The following TXLNB variants were observed in gnomAD, a reference collection of about 807,000 sequenced individuals.
TXLNB encodes the protein taxilin beta.
TXLNB carries 37 observed loss-of-function variants against 57.4 expected under a neutral mutation model. That is an observed-to-expected ratio of 0.64 (90% CI 0.50 to 0.85). The LOEUF (loss-of-function observed/expected upper bound fraction) is 0.85. Ranked by LOEUF, TXLNB falls within the 40% of genes least tolerant of loss-of-function variation. The pLI, the probability that TXLNB is intolerant of heterozygous loss-of-function variation, is 0.00. For synonymous variants in TXLNB, 302 were observed against 309.6 expected (o/e 0.98, Z 0.26); for missense variants, 848 against 825.6 (o/e 1.03, Z -0.33).
chr6:139,193,433 G>A, the TXLNB span, among the ~76,000 whole-genome samples: 1 of 151,824 alleles, frequency 6.6e-6, no homozygotes, highest in African/African-American at 2.4e-5. Context: ...TCTTGCTCAT[G>A]GGTTTTCAGC....
At chr6:139,200,228 G>A in the TXLNB span, among the ~76,000 whole-genome samples, 2 of 151,886 alleles carry the variant, frequency 1.3e-5, no homozygotes, top group South Asian at 2.1e-4. Context: ...ATTGTGTACC[G>A]AGAGCTCTTC....
the TXLNB span, among the ~76,000 whole-genome samples, chr6:139,161,884 T>A: frequency 1.3e-5 from 2 of 152,264 alleles, no homozygotes; most frequent in African/African-American, 4.8e-5. Context: ...TTTAAAGGCC[T>A]CTAAAGGTCA....
rs777926120 is a variant in TXLNB at position 139,270,614 on chromosome 6, G to T, written c.529C>A (p.Arg177Ser). Residue 177 changes from arginine (R) to serine (S), a missense_variant, in exon 4 of 10, where the codon CGT becomes AGT. Coordinates refer to ENST00000358430, the MANE Select transcript of TXLNB (RefSeq NM_153235.4). Reference sequence around the variant, plus strand: ...AGCTTTAACTTCTTTTGCTCAGTACGATGTTCATCCAGCTGTACACATGGA... The same window carrying T: ...AGCTTTAACTTCTTTTGCTCAGTACTATGTTCATCCAGCTGTACACATGGA... ...KKYAELLDEHRTEQKKLKLLQ... is the reference protein window; with the variant it reads ...KKYAELLDEHSTEQKKLKLLQ... The T allele has an allele frequency of 6.2e-6, 10 of 1,613,678 alleles. No individual in the cohort carries two copies. The highest frequency in any genetic ancestry group is 7.6e-6 in the Non-Finnish European group (9 of 1,179,856).
chr6:139,266,555 A>G (rs1278228803), intron 4 of TXLNB, among the ~76,000 whole-genome samples: 1 of 152,194 alleles, frequency 6.6e-6, no homozygotes, highest in Non-Finnish European at 1.5e-5. Flanking sequence ...AAAATAAAAG[A>G]GAAAAAGTAT....
chr6:139,318,745 C>T, the TXLNB span, among the ~76,000 whole-genome samples: 25 of 152,086 alleles, frequency 1.6e-4, no homozygotes, highest in African/African-American at 2.4e-4. Context: ...AAGGTAAAGA[C>T]ATTTTTTCCA....
At chr6:139,183,812 C>A in the TXLNB span, among the ~76,000 whole-genome samples, 1 of 151,950 alleles carries the variant, frequency 6.6e-6, no homozygotes, top group African/African-American at 2.4e-5. Flanking sequence ...TGCTTATATA[C>A]AGATGCTGGA....
At chr6:139,176,976 G>A in the TXLNB span, 1 of 872,746 alleles carries the variant, frequency 1.1e-6, no homozygotes, top group Non-Finnish European at 2.0e-6. The surrounding 1 kb of genome is among the most constrained non-coding windows in gnomAD (Gnocchi z 4.5). Flanking sequence ...GGAAGCCGGT[G>A]ATCGACGTGA....
At chr6:139,317,637 C>A in the TXLNB span, among the ~76,000 whole-genome samples, 1 of 151,780 alleles carries the variant, frequency 6.6e-6, no homozygotes, top group Non-Finnish European at 1.5e-5. Context: ...CTGACCTTCC[C>A]GCCTCGGCCT....
chr6:139,179,711 A>G, the TXLNB span: 2 of 152,208 alleles, frequency 1.3e-5, no homozygotes, highest in Admixed American at 1.3e-4. Flanking sequence ...ACTGACCTTA[A>G]TACCCCAAGC....
At chr6:139,226,016 A>C in the TXLNB span, among the ~76,000 whole-genome samples, 2 of 152,124 alleles carry the variant, frequency 1.3e-5, no homozygotes, top group Non-Finnish European at 2.9e-5. Context: ...AGACACACAT[A>C]GGTCAGGTGC....
chr6:139,278,280 T>A (rs1412739610), intron 2 of TXLNB, among the ~76,000 whole-genome samples: 1 of 152,214 alleles, frequency 6.6e-6, no homozygotes, highest in Non-Finnish European at 1.5e-5. Context: ...ATTCTGATGC[T>A]AGAGAGACCT....
chr6:139,207,348 T>G, the TXLNB span, among the ~76,000 whole-genome samples: 1 of 152,154 alleles, frequency 6.6e-6, no homozygotes, highest in Non-Finnish European at 1.5e-5. Context: ...ACTATACAAA[T>G]ACATGGAAAG....
At chr6:139,167,297 G>A in the TXLNB span, 10 of 1,600,638 alleles carry the variant, frequency 6.2e-6, no homozygotes, top group African/African-American at 1.3e-5. Flanking sequence ...TGATGAGATC[G>A]AATATGATGT....
At chr6:139,210,816 G>C in the TXLNB span, among the ~76,000 whole-genome samples, 1 of 152,218 alleles carries the variant, frequency 6.6e-6, no homozygotes, top group Admixed American at 6.5e-5. Flanking sequence ...CTTAGCAAAC[G>C]GCACACCAGG....
chr6:139,317,745 A>G, the TXLNB span, among the ~76,000 whole-genome samples: 1 of 152,128 alleles, frequency 6.6e-6, no homozygotes, highest in Admixed American at 6.5e-5. Flanking sequence ...ATTTATAAAT[A>G]TAAAATTTTG....
chr6:139,177,275 G>A, the TXLNB span: 2 of 507,690 alleles, frequency 3.9e-6, no homozygotes, highest in East Asian at 3.0e-5. This position sits in a 1 kb window ranked among gnomAD's most constrained non-coding sequence, Gnocchi z 4.9. Flanking sequence ...CTTGATTCCC[G>A]AGTGTTAATC....
At chr6:139,319,135 G>A in the TXLNB span, among the ~76,000 whole-genome samples, 3 of 151,794 alleles carry the variant, frequency 2.0e-5, no homozygotes. Flanking sequence ...GTAGAGACGG[G>A]GTTTTACCAT....
At chr6:139,228,960 C>T in the TXLNB span, among the ~76,000 whole-genome samples, 168 of 152,232 alleles carry the variant, frequency 1.1e-3, no homozygotes, top group Middle Eastern at 0.01. Flanking sequence ...TGTTTTAGGC[C>T]CGTCTCCTGA....
chr6:139,259,748 C>T (rs763973074), intron 6 of TXLNB, among the ~76,000 whole-genome samples: 2 of 152,266 alleles, frequency 1.3e-5, no homozygotes, highest in African/African-American at 4.8e-5. Flanking sequence ...GGCTATGTCC[C>T]CGCACCTAAC....
Sources: allele counts gnomAD v4.1 joint callset (sites outside exome capture counted in the v4.1 genomes callset), GRCh38; gene constraint gnomAD v4.1.1; non-coding constraint Gnocchi (gnomAD v3.1); transcripts MANE v1.5; gene names NCBI Gene and HGNC (gene_info 2026-07-23, HGNC 2026-07-21).